The following POLK variants were observed in gnomAD, a reference collection of about 807,000 sequenced individuals.
The protein encoded by POLK is polymerase (DNA directed) kappa.
In POLK, 76 loss-of-function variants were observed where a neutral mutation model predicts 94.0. That is an observed-to-expected ratio of 0.81 (90% CI 0.67 to 0.98). The LOEUF is 0.98. Ranked by LOEUF, POLK falls within the 50% of genes least tolerant of loss-of-function variation. The pLI, the probability that POLK is intolerant of heterozygous loss-of-function variation, is 0.00. For synonymous variants in POLK, 349 were observed against 325.4 expected (o/e 1.07, Z -0.78); for missense variants, 954 against 1,010.1 (o/e 0.94, Z 0.75).
intron 3 of POLK, among the ~76,000 whole-genome samples, chr5:75,556,060 A>G (rs1425867576): frequency 6.6e-6 from 1 of 152,230 alleles, no homozygotes; most frequent in Non-Finnish European, 1.5e-5. Flanking sequence ...TAAAATAAAA[A>G]TATGTTTAGC....
At chr5:75,548,700 C>T (rs1450470759) in intron 2 of POLK, among the ~76,000 whole-genome samples, 2 of 151,420 alleles carry the variant, frequency 1.3e-5, no homozygotes, top group South Asian at 2.1e-4. Context: ...AATGGTTTAG[C>T]CAAAAGGAGG....
chr5:75,578,654 C>A (rs1772039711), intron 6 of POLK, among the ~76,000 whole-genome samples: 1 of 152,120 alleles, frequency 6.6e-6, no homozygotes, highest in South Asian at 2.1e-4. Context: ...TGTCTCACCT[C>A]ACATCATGCC....
intron 7 of POLK, 59 bp from the exon 8 acceptor site, chr5:75,583,234 C>A: frequency 7.9e-7 from 1 of 1,261,786 alleles, no homozygotes; most frequent in East Asian, 2.6e-5. Flanking sequence ...TTTGTTATTG[C>A]ATATTTAAAA....
intron 1 of POLK, among the ~76,000 whole-genome samples, chr5:75,514,735 C>A (rs571516709): frequency 6.6e-6 from 1 of 152,140 alleles, no homozygotes; most frequent in South Asian, 2.1e-4. Flanking sequence ...CATAATGGCA[C>A]ATATCTGTAG....
At chr5:75,592,443 G>A (rs1423044892) in intron 11 of POLK, among the ~76,000 whole-genome samples, 1 of 152,188 alleles carries the variant, frequency 6.6e-6, no homozygotes, top group Non-Finnish European at 1.5e-5. Context: ...GCCAGGCACG[G>A]TGGCTCATTC....
chr5:75,546,893 C>G, intron 1 of POLK, 117 bp from the exon 2 acceptor site: 1 of 457,900 alleles, frequency 2.2e-6, no homozygotes, highest in South Asian at 6.0e-5. Flanking sequence ...TGTCGAACCC[C>G]TGAGCTCAGT....
Position 75,586,980 on chromosome 5 carries a change from A to C in POLK, c.1227-46A>C. 8 of 1,426,734 alleles carry C rather than the reference A, an allele frequency of 5.6e-6. No individual in the cohort carries two copies. In the South Asian group the frequency reaches 1.0e-4, roughly 18 times the overall value. The allele number at this position is 1,426,734 out of a possible 1,614,324, so 88.4% of individuals were successfully genotyped here. A position where few individuals can be genotyped will look rare whatever the true frequency, so the allele number is the denominator to read the frequency against. ...GTTAAATCCTCTTGGTTAACTAAAA[A>C]AAACTCAGTCTTTGAAAAATAAAGA... is the stretch of plus-strand genomic sequence containing the variant. On this transcript the variant is annotated intron_variant, in intron 9 of 14. Transcript: ENST00000241436.
chr5:75,539,792 A>G (rs1442032577), intron 1 of POLK, among the ~76,000 whole-genome samples: 1 of 152,224 alleles, frequency 6.6e-6, no homozygotes, highest in Non-Finnish European at 1.5e-5. Context: ...TGGAGAGTCA[A>G]ATAAATGAAG....
At chr5:75,515,647 A>G (rs1300608774) in intron 1 of POLK, among the ~76,000 whole-genome samples, 1 of 152,196 alleles carries the variant, frequency 6.6e-6, no homozygotes, top group East Asian at 1.9e-4. Flanking sequence ...TAGATCATAC[A>G]GTAGTTGTAT....
downstream of POLK, among the ~76,000 whole-genome samples, chr5:75,605,580 T>C (rs968066164): frequency 6.6e-6 from 1 of 152,234 alleles, no homozygotes; most frequent in African/African-American, 2.4e-5. Flanking sequence ...TGGGTTTTGC[T>C]AGCAATTCTG....
At chr5:75,579,272 C>T (rs1329367283) in intron 6 of POLK, among the ~76,000 whole-genome samples, 1 of 152,242 alleles carries the variant, frequency 6.6e-6, no homozygotes, top group East Asian at 1.9e-4. Context: ...TGCAGTTTTT[C>T]TGTAGCTTTC....
chr5:75,577,916 A>C (rs1213888407), intron 6 of POLK, among the ~76,000 whole-genome samples: 7 of 152,206 alleles, frequency 4.6e-5, no homozygotes, highest in African/African-American at 1.7e-4. Context: ...ACACAGGCAC[A>C]GAGCAAAAGG....
intron 1 of POLK, among the ~76,000 whole-genome samples, chr5:75,542,437 G>T (rs1395239551): frequency 6.6e-6 from 1 of 151,658 alleles, no homozygotes; most frequent in Non-Finnish European, 1.5e-5. Flanking sequence ...TCACAGTGTG[G>T]TTTTTTATAT....
intron 11 of POLK, among the ~76,000 whole-genome samples, chr5:75,593,539 A>C (rs1413367425): frequency 6.6e-6 from 1 of 152,136 alleles, no homozygotes; most frequent in Non-Finnish European, 1.5e-5. Context: ...TTTTTCTAGA[A>C]GTTAGGAAGT....
the POLK span, among the ~76,000 whole-genome samples, chr5:75,607,559 T>G: frequency 2.0e-5 from 3 of 152,112 alleles, no homozygotes; most frequent in African/African-American, 7.2e-5. Context: ...GCCTCTTCTT[T>G]CTATTTCTCT....
At chr5:75,527,502 TACACACACACACACACAC>T (rs58797043) in intron 1 of POLK, among the ~76,000 whole-genome samples, 2 of 132,980 alleles carry the variant, frequency 1.5e-5, no homozygotes, top group South Asian at 2.6e-4. Flanking sequence ...AATTTATATA[TACACACACACACACACAC>T]ACACACACAC....
intron 1 of POLK, among the ~76,000 whole-genome samples, chr5:75,545,863 CAGT>C (rs1769992825): frequency 6.6e-6 from 1 of 152,126 alleles, no homozygotes; most frequent in Admixed American, 6.6e-5. Flanking sequence ...AAATTTGTGT[CAGT>C]AGACATGTTC....
At chr5:75,592,786 G>T (rs565019303) in intron 11 of POLK, among the ~76,000 whole-genome samples, 1 of 152,234 alleles carries the variant, frequency 6.6e-6, no homozygotes, top group African/African-American at 2.4e-5. Flanking sequence ...AGGCATAGTG[G>T]CTCATGCCTG....
At chr5:75,541,302 A>G (rs1769727412) in intron 1 of POLK, among the ~76,000 whole-genome samples, 1 of 152,134 alleles carries the variant, frequency 6.6e-6, no homozygotes, top group African/African-American at 2.4e-5. Flanking sequence ...CTGTCTCAAA[A>G]AAAAACCAAA....
Sources: allele counts gnomAD v4.1 joint callset (sites outside exome capture counted in the v4.1 genomes callset), GRCh38; gene constraint gnomAD v4.1.1; transcripts MANE v1.5; gene names NCBI Gene and HGNC (gene_info 2026-07-23, HGNC 2026-07-21).